The following AGTPBP1 variants were observed in gnomAD, a reference collection of about 807,000 sequenced individuals.
The protein encoded by AGTPBP1 is cytosolic carboxypeptidase 1.
A neutral mutation model predicts 143.9 loss-of-function variants in AGTPBP1; 70 were observed. The observed-to-expected ratio is 0.49, with a 90% CI of 0.40 to 0.59. The LOEUF (loss-of-function observed/expected upper bound fraction) is 0.59, where lower values mean the gene tolerates loss of function less well. Ranked by LOEUF, AGTPBP1 falls within the 20% of genes least tolerant of loss-of-function variation. AGTPBP1 has a pLI of 0.00. For synonymous variants in AGTPBP1, 463 were observed against 500.2 expected, an observed-to-expected ratio of 0.93 and a Z score of 0.99; for missense variants, 1,229 against 1,464.5, an observed-to-expected ratio of 0.84 and a Z score of 2.62.
At chr9:85,615,059 G>A (rs1271507086) in intron 17 of AGTPBP1, among the ~76,000 whole-genome samples, 1 of 152,054 alleles carries the variant, frequency 6.6e-6, no homozygotes, top group African/African-American at 2.4e-5. Context: ...ATTCATCAAC[G>A]ACACTTTAAA....
the AGTPBP1 span, among the ~76,000 whole-genome samples, chr9:85,761,535 A>G: frequency 2.0e-5 from 3 of 152,232 alleles, no homozygotes; most frequent in Non-Finnish European, 4.4e-5. Context: ...AGGATTCTCT[A>G]TTTAACAAAT....
chr9:85,557,239 T>C (rs369789611), intron 25 of AGTPBP1, among the ~76,000 whole-genome samples: 56 of 152,318 alleles, frequency 3.7e-4, no homozygotes, highest in East Asian at 3.3e-3. Context: ...ATAAGGATCA[T>C]TTACTTATGA....
chr9:85,787,734 T>C, the AGTPBP1 span: 6 of 152,260 alleles, frequency 3.9e-5, no homozygotes, highest in African/African-American at 1.4e-4. Context: ...TTGTTACTTT[T>C]CCAAAACACT....
At chr9:85,598,494 G>A (rs1018352558) in intron 17 of AGTPBP1, among the ~76,000 whole-genome samples, 20 of 152,084 alleles carry the variant, frequency 1.3e-4, no homozygotes, top group Non-Finnish European at 1.5e-5. Context: ...TTCTTGATAT[G>A]TCAAATTCTG....
upstream of AGTPBP1, among the ~76,000 whole-genome samples, chr9:85,743,926 CTTTTT>C (rs10576766): frequency 3.0e-5 from 4 of 132,422 alleles, no homozygotes; most frequent in Non-Finnish European, 4.8e-5. Flanking sequence ...CTTTTTCTTT[CTTTTT>C]TTTTTTTTTT....
intron 11 of AGTPBP1, among the ~76,000 whole-genome samples, chr9:85,651,506 C>A (rs1426435965): frequency 6.6e-6 from 1 of 151,996 alleles, no homozygotes; most frequent in Non-Finnish European, 1.5e-5. Context: ...CATAATAATA[C>A]TATAACAACT....
At chr9:85,682,933 G>A (rs1320420110) in intron 3 of AGTPBP1, among the ~76,000 whole-genome samples, 1 of 152,162 alleles carries the variant, frequency 6.6e-6, no homozygotes, top group Non-Finnish European at 1.5e-5. Flanking sequence ...TGTTATTTAT[G>A]ACAACTACCT....
chr9:85,634,148 C>A (rs1172696712), intron 13 of AGTPBP1, among the ~76,000 whole-genome samples: 1 of 135,426 alleles, frequency 7.4e-6, no homozygotes, highest in Non-Finnish European at 1.5e-5. Flanking sequence ...GAACCGAGAT[C>A]ATGCCACTGC....
chr9:85,760,723 CCT>C, the AGTPBP1 span, among the ~76,000 whole-genome samples: 1 of 152,140 alleles, frequency 6.6e-6, no homozygotes, highest in Non-Finnish European at 1.5e-5. Context: ...ACAGGGATGC[CCT>C]CTCTCACCAC....
intron 14 of AGTPBP1, among the ~76,000 whole-genome samples, chr9:85,626,446 GC>G (rs754613874): frequency 3.9e-5 from 6 of 152,264 alleles, no homozygotes; most frequent in Non-Finnish European, 8.8e-5. Context: ...CATTTACAAT[GC>G]ATTCAGGTAG....
At chr9:85,601,101 G>A (rs1396174731) in intron 17 of AGTPBP1, among the ~76,000 whole-genome samples, 1 of 152,064 alleles carries the variant, frequency 6.6e-6, no homozygotes, top group African/African-American at 2.4e-5. Context: ...CAGGCTCCCA[G>A]GTCCCCAGCT....
chr9:85,657,048 G>A (rs996824141), intron 10 of AGTPBP1, among the ~76,000 whole-genome samples: 16 of 151,878 alleles, frequency 1.1e-4, no homozygotes, highest in African/African-American at 3.6e-4. Flanking sequence ...GGGGAGAGGG[G>A]AGGGATAGCA....
intron 17 of AGTPBP1, among the ~76,000 whole-genome samples, chr9:85,604,794 T>C (rs906975798): frequency 4.6e-5 from 7 of 152,066 alleles, no homozygotes; most frequent in Admixed American, 4.6e-4. Context: ...GAAATAATTT[T>C]TAAAAACCAA....
chr9:85,577,030 C>T (rs1827940473), intron 24 of AGTPBP1, among the ~76,000 whole-genome samples: 1 of 151,908 alleles, frequency 6.6e-6, no homozygotes, highest in Non-Finnish European at 1.5e-5. Context: ...AATGGTTTAA[C>T]ATTTTATGTT....
the AGTPBP1 span, among the ~76,000 whole-genome samples, chr9:85,800,795 T>A: frequency 2.8e-5 from 4 of 141,796 alleles, no homozygotes; most frequent in East Asian, 8.6e-4. Context: ...GTACTTGCAG[T>A]CTTTAGAATG....
At chr9:85,795,897 T>G in the AGTPBP1 span, among the ~76,000 whole-genome samples, 4 of 134,528 alleles carry the variant, frequency 3.0e-5, no homozygotes, top group Admixed American at 8.0e-5. Context: ...GAGGCTGGTG[T>G]TTTTGATGAG....
chr9:85,748,051 T>C, the AGTPBP1 span, among the ~76,000 whole-genome samples: 1 of 152,214 alleles, frequency 6.6e-6, no homozygotes, highest in African/African-American at 2.4e-5. Context: ...ACCAAACTTC[T>C]TGGAAAAGTT....
At chr9:85,706,509 CAAAA>C (rs781239393) in intron 2 of AGTPBP1, among the ~76,000 whole-genome samples, 3 of 62,252 alleles carry the variant, frequency 4.8e-5, no homozygotes. Context: ...GACTCTGTCT[CAAAA>C]AAAAAAAAAA....
rs113772575 is a variant in AGTPBP1 at position 85,621,749 on chromosome 9, G to A, written c.2016-464C>T. 1.3e-3 allele frequency among the ~76,000 whole-genome samples: 203 copies of A among 152,278 alleles called. 1 individual carries two copies. In the Middle Eastern group the frequency reaches 0.024, roughly 18 times the overall value. ...CAATTGGCAGTCAGTCTGCATGTTC[G>A]TAGAATCTCTCCTCTCTTTTGTGGT... is the stretch of plus-strand genomic sequence containing the variant. On this transcript the variant is annotated intron_variant, in intron 14 of 25. Coordinates refer to ENST00000357081, the MANE Select transcript of AGTPBP1 (RefSeq NM_001330701.2).
Sources: allele counts gnomAD v4.1 joint callset (sites outside exome capture counted in the v4.1 genomes callset), GRCh38; gene constraint gnomAD v4.1.1; transcripts MANE v1.5; gene names NCBI Gene and HGNC (gene_info 2026-07-23, HGNC 2026-07-21).